Variants in SLC25A21 observed in about 807,000 individuals in gnomAD.
SLC25A21 encodes mitochondrial 2-oxodicarboxylate carrier.
In SLC25A21, 47 loss-of-function variants were observed where a neutral mutation model predicts 43.8. The observed-to-expected ratio is 1.07, with a 90% CI of 0.85 to 1.37. The LOEUF (loss-of-function observed/expected upper bound fraction) is 1.37, where lower values mean the gene tolerates loss of function less well. Among genes scored for constraint, SLC25A21 ranks in the 40% most tolerant of loss-of-function variants. The pLI is 0.00. For missense variants in SLC25A21, 352 were observed against 350.2 expected (o/e 1.00, Z -0.04); for synonymous variants, 131 against 121.3 (o/e 1.08, Z -0.52).
chr14:36,909,792 A>C (rs1891633042), intron 1 of SLC25A21, among the ~76,000 whole-genome samples: 1 of 152,218 alleles, frequency 6.6e-6, no homozygotes, highest in Non-Finnish European at 1.5e-5. Flanking sequence ...TATCAAACAA[A>C]TGTCCAGTGC....
chr14:36,716,623 T>C (rs1303278951), intron 6 of SLC25A21, among the ~76,000 whole-genome samples: 1 of 152,192 alleles, frequency 6.6e-6, no homozygotes, highest in Non-Finnish European at 1.5e-5. Flanking sequence ...TCTGGGGCAC[T>C]GAGTCCTTAC....
At chr14:37,134,721 T>C (rs532804437) in intron 1 of SLC25A21, among the ~76,000 whole-genome samples, 21 of 151,544 alleles carry the variant, frequency 1.4e-4, no homozygotes, top group Non-Finnish European at 2.7e-4. Flanking sequence ...AAAACCTGAC[T>C]ATTCCAGAAA....
At chr14:36,705,309 T>A (rs753076713) in intron 7 of SLC25A21, among the ~76,000 whole-genome samples, 4 of 152,080 alleles carry the variant, frequency 2.6e-5, no homozygotes, top group Non-Finnish European at 5.9e-5. Context: ...CCTCCCAAAG[T>A]GCTGGGATTA....
chr14:36,898,560 C>T (rs1008332097), intron 1 of SLC25A21, among the ~76,000 whole-genome samples: 2 of 152,174 alleles, frequency 1.3e-5, no homozygotes, highest in Admixed American at 1.3e-4. Flanking sequence ...CTTTCCGACA[C>T]TCCCCAGTGA....
At chr14:36,764,075 A>AGAAAGAAAGAAAGAAAGAAAGAAAGAAG (rs1594565691) in intron 3 of SLC25A21, among the ~76,000 whole-genome samples, 1 of 28,664 alleles carries the variant, frequency 3.5e-5, no homozygotes, top group South Asian at 1.4e-3. Context: ...AAAGAAAGAA[A>AGAAAGAAAGAAAGAAAGAAAGAAAGAAG]GAAAGAAGGA....
intron 6 of SLC25A21, among the ~76,000 whole-genome samples, chr14:36,723,134 A>T (rs753779019): frequency 3.3e-5 from 5 of 152,248 alleles, no homozygotes; most frequent in Admixed American, 3.3e-4. Context: ...TGAGTCCTAG[A>T]TAAAAGACCT....
At position 37,015,048 on chromosome 14, in the gene SLC25A21, AT is replaced by A. The variant is rs560070035; in HGVS notation, c.71-140045del. On this transcript the variant is annotated intron_variant, in intron 1 of 9. Coordinates refer to ENST00000331299, the MANE Select transcript of SLC25A21 (RefSeq NM_030631.4). ...AGATTTGGCATAATTCTTTATTATT[AT>A]TATTATTATACTTTAAGTATTAGGG... is the stretch of plus-strand genomic sequence containing the variant. Among the ~76,000 whole-genome samples, 261 of 151,908 alleles carry A rather than the reference AT, an allele frequency of 1.7e-3. 1 individual carries two copies. The highest frequency in any genetic ancestry group is 6.3e-3 in the African/African-American group (261 of 41,472).
At chr14:36,727,514 C>T (rs1884649862) in intron 5 of SLC25A21, among the ~76,000 whole-genome samples, 1 of 152,030 alleles carries the variant, frequency 6.6e-6, no homozygotes. Context: ...ATGGTGAAAC[C>T]CCATCTCTAC....
chr14:36,772,957 T>G (rs1026587828), intron 3 of SLC25A21, among the ~76,000 whole-genome samples: 2 of 152,198 alleles, frequency 1.3e-5, no homozygotes, highest in African/African-American at 4.8e-5. Context: ...TGCCTCATTT[T>G]CACTATGAAC....
chr14:37,013,968 T>C (rs542139395), intron 1 of SLC25A21, among the ~76,000 whole-genome samples: 6 of 152,274 alleles, frequency 3.9e-5, no homozygotes, highest in Non-Finnish European at 5.9e-5. Flanking sequence ...AATAGCATTA[T>C]GTATAAAAAT....
chr14:37,041,946 A>G (rs1961482273), intron 1 of SLC25A21, among the ~76,000 whole-genome samples: 1 of 152,208 alleles, frequency 6.6e-6, no homozygotes, highest in African/African-American at 2.4e-5. Context: ...AATGGCTGTA[A>G]GGAGGTCAAG....
At chr14:37,079,017 C>A (rs1418317061) in intron 1 of SLC25A21, among the ~76,000 whole-genome samples, 1 of 152,112 alleles carries the variant, frequency 6.6e-6, no homozygotes, top group Admixed American at 6.5e-5. Flanking sequence ...TTTCTCTTTT[C>A]CTTAAAAAAC....
intron 1 of SLC25A21, among the ~76,000 whole-genome samples, chr14:37,051,802 G>A (rs1033022415): frequency 8.5e-5 from 13 of 152,186 alleles, no homozygotes; most frequent in Admixed American, 7.2e-4. Context: ...TAGGGAGAGA[G>A]CCAGTGGAAA....
chr14:36,854,933 TG>T (rs569987342), intron 2 of SLC25A21, among the ~76,000 whole-genome samples: 63 of 134,538 alleles, frequency 4.7e-4, no homozygotes, highest in Middle Eastern at 4.0e-3. Flanking sequence ...GGGCATGAGG[TG>T]GGGGGGGGTA....
chr14:36,833,428 G>C (rs1889102101), intron 2 of SLC25A21, among the ~76,000 whole-genome samples: 1 of 152,138 alleles, frequency 6.6e-6, no homozygotes, highest in African/African-American at 2.4e-5. Flanking sequence ...ACCTCAGTCA[G>C]GGCTGATAAC....
chr14:36,827,002 C>T (rs566362608), intron 2 of SLC25A21, among the ~76,000 whole-genome samples: 5 of 152,286 alleles, frequency 3.3e-5, no homozygotes, highest in East Asian at 3.9e-4. Flanking sequence ...AGGACGAGGA[C>T]GAGGACAGTG....
At chr14:36,783,580 G>T (rs1239809527) in intron 3 of SLC25A21, among the ~76,000 whole-genome samples, 2 of 152,112 alleles carry the variant, frequency 1.3e-5, no homozygotes, top group Non-Finnish European at 2.9e-5. Context: ...GTATGCTCTC[G>T]CTTTCTTCTA....
intron 1 of SLC25A21, among the ~76,000 whole-genome samples, chr14:36,924,840 A>G (rs1892086177): frequency 6.6e-6 from 1 of 152,154 alleles, no homozygotes; most frequent in African/African-American, 2.4e-5. Context: ...TGGTTTGAGT[A>G]TAGCAGAGGA....
chr14:36,901,545 T>C (rs1891399463), intron 1 of SLC25A21, among the ~76,000 whole-genome samples: 1 of 152,154 alleles, frequency 6.6e-6, no homozygotes, highest in African/African-American at 2.4e-5. Flanking sequence ...ACATATTTAA[T>C]ACTAACACAA....
Sources: gnomAD v4.1 joint callset for allele counts (sites outside exome capture counted in the v4.1 genomes callset) on GRCh38, gnomAD v4.1.1 for gene constraint, MANE v1.5 for transcripts, NCBI Gene and HGNC (gene_info 2026-07-23, HGNC 2026-07-21) for gene names.